The following MYO3B variants were observed in gnomAD, a reference collection of about 807,000 sequenced individuals.
MYO3B encodes the protein myosin-IIIb.
Under a neutral mutation model 174.6 loss-of-function variants are expected in MYO3B, and 156 were observed. That is an observed-to-expected ratio of 0.89 (90% CI 0.78 to 1.02). The LOEUF is 1.02. Ranked by LOEUF, MYO3B falls within the 50% of genes least tolerant of loss-of-function variation. MYO3B has a pLI of 0.00. For missense variants in MYO3B, 1,632 were observed against 1,639.4 expected (o/e 1.00, Z 0.08); for synonymous variants, 563 against 569.1 (o/e 0.99, Z 0.15).
intron 17 of MYO3B, 120 bp from the exon 18 acceptor site, chr2:170,401,361 T>C (rs755587049): frequency 1.2e-6 from 1 of 859,222 alleles, no homozygotes; most frequent in African/African-American, 1.7e-5. Flanking sequence ...AGCCTGTTTA[T>C]CTTTGAGTCA....
In MYO3B at chr2:170,645,468, CAAAAAAAAAAAAA is replaced by C. The variant is rs55720994; in HGVS notation, c.3734-6149_3734-6137del. ...TGGGTGACAGAGCAAGGCTCCGTCT[CAAAAAAAAAAAAA>C]AAAAAAAAAAGTGAATGTTCAAACT... is the stretch of plus-strand genomic sequence containing the variant. On this transcript the variant is annotated intron_variant, in intron 32 of 34. Transcript: ENST00000408978. 1.1e-4 allele frequency among the ~76,000 whole-genome samples: 7 copies of C among 66,412 alleles called. No individual in the cohort carries two copies. In the East Asian group the frequency reaches 1.2e-3, roughly 12 times the overall value. The allele number at this position is 66,412 out of a possible 152,430, so 43.6% of individuals were successfully genotyped here.
chr2:170,650,630 A>G (rs1360881636), intron 32 of MYO3B, among the ~76,000 whole-genome samples: 1 of 150,056 alleles, frequency 6.7e-6, no homozygotes, highest in Admixed American at 6.6e-5. Context: ...AAAGGACAGT[A>G]GATCCAAAAA....
chr2:170,436,288 T>G (rs1000545714), intron 22 of MYO3B, among the ~76,000 whole-genome samples: 13 of 152,212 alleles, frequency 8.5e-5, no homozygotes, highest in African/African-American at 3.1e-4. Context: ...TGCTTAACAT[T>G]TGAAAGAAGT....
Position 170,649,220 on chromosome 2 carries a change from ATT to A in MYO3B, c.3734-2407_3734-2406del, listed in dbSNP as rs1698738040. Among the ~76,000 whole-genome samples the A allele has an allele frequency of 5.5e-5, 4 of 72,520 alleles. 1 individual carries two copies. Among genetic ancestry groups the A allele is most frequent in the African/African-American group, 2.1e-4 (3 of 14,590 alleles). 47.6% of individuals were successfully genotyped at this position (72,520 alleles called of 152,430 possible). On this transcript the variant is annotated intron_variant, in intron 32 of 34. Transcript: ENST00000408978. ...TTATATATAAAATAATATATAATAT[ATT>A]ATATATAAAATAATATATATTATAT...
At chr2:170,480,433 C>A (rs1489512759) in intron 25 of MYO3B, among the ~76,000 whole-genome samples, 1 of 152,178 alleles carries the variant, frequency 6.6e-6, no homozygotes, top group Non-Finnish European at 1.5e-5. Context: ...ACCCTTTCCC[C>A]GGTAACTTGC....
intron 6 of MYO3B, among the ~76,000 whole-genome samples, chr2:170,233,127 T>G (rs2105290269): frequency 6.6e-6 from 1 of 152,382 alleles, no homozygotes; most frequent in Non-Finnish European, 1.5e-5. Context: ...AGTTCTAGAC[T>G]ATGGGTACTA....
chr2:170,466,539 G>A lies in MYO3B; in HGVS notation c.2842G>A (p.Val948Ile). ...SLMDLLSKMV[V>I]GQPHFVRCIK... ...GATGGACCTGCTCTCCAAAATGGTGGTTGGACAGCCCCACTTTGTGCGCTG... is the reference window on the plus strand; with the variant it reads ...GATGGACCTGCTCTCCAAAATGGTGATTGGACAGCCCCACTTTGTGCGCTG... Residue 948 changes from valine to isoleucine, a missense_variant, in exon 25 of 35, where the codon GTT (valine) becomes ATT (isoleucine). Physicochemically the swap from Val to Ile is conservative, Grantham distance 29. Coordinates refer to ENST00000408978, the MANE Select transcript of MYO3B (RefSeq NM_138995.5). The A allele has an allele frequency of 6.2e-7, 1 of 1,614,162 alleles. No individual in the cohort carries two copies. The highest frequency in any genetic ancestry group is 8.5e-7 in the Non-Finnish European group (1 of 1,180,038).
intron 1 of MYO3B, among the ~76,000 whole-genome samples, chr2:170,188,166 A>G (rs2092491104): frequency 1.3e-5 from 2 of 152,078 alleles, no homozygotes; most frequent in African/African-American, 4.8e-5. Context: ...CATTTGTTAT[A>G]TTGTCTTCCT....
intron 1 of MYO3B, among the ~76,000 whole-genome samples, chr2:170,182,408 G>A (rs1238634981): frequency 6.6e-6 from 1 of 152,056 alleles, no homozygotes; most frequent in Non-Finnish European, 1.5e-5. Flanking sequence ...GATTTGTAAT[G>A]TGATTTTTAT....
rs200382305 is a variant in MYO3B, at chr2:170,490,031, TC to T, written c.3015-8560del. ...TTTTTCATTTTCAGTTTCTTTTCTT[TC>T]TTTTTTTTTTTTTTGAGATGGAGTC... On this transcript the variant is annotated intron_variant, in intron 25 of 34. Transcript: ENST00000408978. 1.1e-3 allele frequency among the ~76,000 whole-genome samples: 161 copies of T among 150,848 alleles called. 2 individuals are homozygous for T. The South Asian group carries it at 0.022, about 21-fold the overall frequency.
At chr2:170,274,343 G>T (rs1574697173) in intron 7 of MYO3B, among the ~76,000 whole-genome samples, 1 of 152,140 alleles carries the variant, frequency 6.6e-6, no homozygotes, top group South Asian at 2.1e-4. Flanking sequence ...TCATTGGAAT[G>T]CTTTATCCCT....
chr2:170,479,992 A>G (rs1447327396), intron 25 of MYO3B, among the ~76,000 whole-genome samples: 1 of 148,178 alleles, frequency 6.7e-6, no homozygotes, highest in Non-Finnish European at 1.5e-5. Flanking sequence ...TTAAACCTAT[A>G]TATATGTGTG....
intron 32 of MYO3B, among the ~76,000 whole-genome samples, chr2:170,571,119 G>A (rs757342236): frequency 2.2e-4 from 33 of 152,272 alleles, no homozygotes; most frequent in Non-Finnish European, 4.3e-4. Flanking sequence ...AATTTCCAAA[G>A]GAATAGGAGA....
At chr2:170,520,869 A>T (rs1382691135) in intron 30 of MYO3B, among the ~76,000 whole-genome samples, 2 of 152,134 alleles carry the variant, frequency 1.3e-5, no homozygotes, top group Non-Finnish European at 2.9e-5. Context: ...GGTTTCCAGA[A>T]CCCATCATGT....
chr2:170,190,982 A>G (rs1181416583), intron 1 of MYO3B, among the ~76,000 whole-genome samples: 1 of 151,840 alleles, frequency 6.6e-6, no homozygotes, highest in African/African-American at 2.4e-5. Context: ...TTTGAATCTT[A>G]CCCAAGGCCC....
chr2:170,650,013 G>A (rs1210584888), intron 32 of MYO3B: 1 of 138,814 alleles, frequency 7.2e-6, no homozygotes, highest in African/African-American at 2.7e-5. Context: ...GGATGGATGT[G>A]ATAGTCTTTT....
intron 30 of MYO3B, among the ~76,000 whole-genome samples, chr2:170,531,756 AATAAG>A (rs1483089411): frequency 1.3e-5 from 2 of 152,218 alleles, no homozygotes; most frequent in Admixed American, 6.5e-5. Flanking sequence ...CATTGAATAA[AATAAG>A]ATATCATGAG....
At chr2:170,205,397 AT>A (rs1462961512) in intron 3 of MYO3B, among the ~76,000 whole-genome samples, 1 of 152,158 alleles carries the variant, frequency 6.6e-6, no homozygotes, top group Admixed American at 6.5e-5. Flanking sequence ...CCAGCATTTA[AT>A]TTAAAATTTC....
intron 7 of MYO3B, among the ~76,000 whole-genome samples, chr2:170,270,907 G>GAA (rs1455013216): frequency 1.3e-5 from 2 of 152,202 alleles, no homozygotes; most frequent in African/African-American, 2.4e-5. Flanking sequence ...GATAAAGGAA[G>GAA]AAAAGTATTT....
Sources: gnomAD v4.1 joint callset for allele counts (sites outside exome capture counted in the v4.1 genomes callset) on GRCh38, gnomAD v4.1.1 for gene constraint, MANE v1.5 for transcripts, NCBI Gene and HGNC (gene_info 2026-07-23, HGNC 2026-07-21) for gene names.